IFT57: variants seen among roughly 807,000 people sequenced by gnomAD.
The protein encoded by IFT57 is intraflagellar transport 57.
A neutral mutation model predicts 56.8 loss-of-function variants in IFT57; 59 were observed. That is an observed-to-expected ratio of 1.04 (90% CI 0.84 to 1.29). The LOEUF (loss-of-function observed/expected upper bound fraction) is 1.29. Among genes scored for constraint, IFT57 ranks in the 50% most tolerant of loss-of-function variants. IFT57 has a pLI of 0.00. For missense variants in IFT57, 470 were observed against 522.1 expected, an observed-to-expected ratio of 0.90 and a Z score of 0.97; for synonymous variants, 209 against 186.1, an observed-to-expected ratio of 1.12 and a Z score of -1.00.
intron 5 of IFT57, among the ~76,000 whole-genome samples, chr3:108,203,164 G>A (rs898741161): frequency 2.6e-5 from 4 of 152,198 alleles, no homozygotes; most frequent in African/African-American, 7.2e-5. Context: ...TGGCCTCCAG[G>A]GGGTGAGCTA....
At chr3:108,170,256 T>G (rs1269769177) in intron 6 of IFT57, among the ~76,000 whole-genome samples, 1 of 151,978 alleles carries the variant, frequency 6.6e-6, no homozygotes, top group East Asian at 1.9e-4. Flanking sequence ...AACCCCTATG[T>G]CTCGGCCCCA....
At position 108,222,402 on chromosome 3, in the gene IFT57, A is replaced by T; in HGVS notation, c.-80T>A. On this transcript the variant is annotated 5_prime_UTR_variant, in exon 1 of 11. Transcript: ENST00000264538. ...AGCCGCCAGCCCTGCCGCCGCCAGTACAGCCACGACCGGTTACCAGGCGAC... is the reference window on the plus strand; with the variant it reads ...AGCCGCCAGCCCTGCCGCCGCCAGTTCAGCCACGACCGGTTACCAGGCGAC... 7.7e-7 allele frequency: 1 copy of T among 1,305,114 alleles called. No individual in the cohort carries two copies. The highest frequency in any genetic ancestry group is 1.0e-6 in the Non-Finnish European group (1 of 966,924). 80.8% of individuals were successfully genotyped at this position (1,305,114 alleles called of 1,614,324 possible). A position where few individuals can be genotyped will look rare whatever the true frequency, so the allele number is the denominator to read the frequency against.
At chr3:108,168,527 T>C (rs1577046787) in intron 6 of IFT57, among the ~76,000 whole-genome samples, 1 of 152,022 alleles carries the variant, frequency 6.6e-6, no homozygotes, top group Non-Finnish European at 1.5e-5. Context: ...GTGCAGAATG[T>C]GCAAGTTTGT....
intron 5 of IFT57, among the ~76,000 whole-genome samples, chr3:108,203,115 A>C (rs1488592782): frequency 6.6e-6 from 1 of 152,240 alleles, no homozygotes; most frequent in African/African-American, 2.4e-5. Flanking sequence ...GCTTCCGCAG[A>C]GAGCCATTTC....
chr3:108,218,724 G>C, intron 2 of IFT57, 71 bp from the exon 3 acceptor site: 1 of 675,460 alleles, frequency 1.5e-6, no homozygotes, highest in Non-Finnish European at 2.4e-6. Context: ...TTTAAGCAAA[G>C]AACTGCTGAA....
chr3:108,182,679 T>C (rs2080157488), intron 6 of IFT57, among the ~76,000 whole-genome samples: 1 of 152,098 alleles, frequency 6.6e-6, no homozygotes, highest in South Asian at 2.1e-4. Flanking sequence ...ACTAAATGAA[T>C]AGGTAAGTAT....
chr3:108,197,587 T>G (rs2080250612), intron 5 of IFT57, among the ~76,000 whole-genome samples: 1 of 152,164 alleles, frequency 6.6e-6, no homozygotes, highest in Admixed American at 6.5e-5. Context: ...TCTGTAAAAA[T>G]ATACATGAGA....
chr3:108,197,840 C>T (rs1172586490), intron 5 of IFT57, among the ~76,000 whole-genome samples: 3 of 152,122 alleles, frequency 2.0e-5, no homozygotes, highest in African/African-American at 7.2e-5. Context: ...GGTCAAGTTA[C>T]ATAACCTCTC....
intron 9 of IFT57, among the ~76,000 whole-genome samples, chr3:108,164,616 T>C (rs1285949010): frequency 6.6e-6 from 1 of 152,100 alleles, no homozygotes; most frequent in African/African-American, 2.4e-5. Flanking sequence ...AGTGTTAATT[T>C]ACCTAACATA....
chr3:108,173,288 T>C (rs935600182), intron 6 of IFT57, among the ~76,000 whole-genome samples: 1 of 151,496 alleles, frequency 6.6e-6, no homozygotes, highest in Non-Finnish European at 1.5e-5. Context: ...GTATACAAAC[T>C]TGAGGATAGT....
rs1027472597 is a variant in IFT57, at chr3:108,161,553, C to A, written c.*924G>T. ...AAAATTATTAAAAAAAAAAAATTAA[C>A]GCAGGCTGTCTCCTGCTTTGTGTTC... On this transcript the variant is annotated 3_prime_UTR_variant, in exon 11 of 11. Coordinates refer to ENST00000264538, the MANE Select transcript of IFT57 (RefSeq NM_018010.4). The A allele has an allele frequency of 1.3e-5, 2 of 151,382 alleles. No homozygotes were observed. Among genetic ancestry groups the A allele is most frequent in the African/African-American group, 2.4e-5 (1 of 41,198 alleles). The allele number at this position is 151,382 out of a possible 1,614,324, so 9.4% of individuals were successfully genotyped here.
intron 5 of IFT57, among the ~76,000 whole-genome samples, chr3:108,198,511 G>A (rs1048533371): frequency 1.1e-4 from 17 of 152,134 alleles, no homozygotes; most frequent in Admixed American, 9.8e-4. Context: ...GCATGATCTC[G>A]GCTCACTGCA....
At chr3:108,184,229 T>G (rs2080166814) in intron 6 of IFT57, among the ~76,000 whole-genome samples, 1 of 152,154 alleles carries the variant, frequency 6.6e-6, no homozygotes, top group Admixed American at 6.5e-5. Context: ...TTTAGACACA[T>G]TATTCCAACT....
chr3:108,203,758 A>C (rs1300055911), intron 5 of IFT57, among the ~76,000 whole-genome samples: 1 of 152,248 alleles, frequency 6.6e-6, no homozygotes, highest in Non-Finnish European at 1.5e-5. Flanking sequence ...AGAAAAAATA[A>C]ATCAGTAATT....
chr3:108,206,066 A>ATT lies in IFT57; in HGVS notation c.654+561_654+562insAA, dbSNP rs1560122647. 5.4e-3 allele frequency among the ~76,000 whole-genome samples: 570 copies of ATT among 105,568 alleles called. 4 individuals carry two copies. Among genetic ancestry groups the ATT allele is most frequent in the African/African-American group, 0.018 (513 of 28,882 alleles). 69.3% of individuals were successfully genotyped at this position (105,568 alleles called of 152,430 possible). On this transcript the variant is annotated intron_variant, in intron 5 of 10. Coordinates refer to ENST00000264538, the MANE Select transcript of IFT57 (RefSeq NM_018010.4). ...TATATATTATATATTATTTATATAT[A>ATT]ATAATATATTATATATAAATAATAT...
At chr3:108,206,760 CA>C in intron 4 of IFT57, 64 bp from the exon 5 acceptor site, 1 of 457,356 alleles carries the variant, frequency 2.2e-6, no homozygotes, top group Non-Finnish European at 3.4e-6. Flanking sequence ...TTCCAGTTTC[CA>C]CCTATATGCT....
chr3:108,207,539 A>C (rs2080320186), intron 4 of IFT57, among the ~76,000 whole-genome samples: 1 of 152,232 alleles, frequency 6.6e-6, no homozygotes, highest in Non-Finnish European at 1.5e-5. Flanking sequence ...TGATTTTATA[A>C]GGAAAAAAGA....
At chr3:108,190,732 C>A (rs1375735574) in intron 6 of IFT57, among the ~76,000 whole-genome samples, 1 of 152,206 alleles carries the variant, frequency 6.6e-6, no homozygotes, top group Non-Finnish European at 1.5e-5. Flanking sequence ...ATACAATGGG[C>A]AAGTTAATCT....
intron 8 of IFT57, 106 bp from the exon 9 acceptor site, chr3:108,165,599 C>T: frequency 4.9e-6 from 4 of 818,124 alleles, no homozygotes; most frequent in South Asian, 4.2e-5. Context: ...TTATGACAAC[C>T]CTGCTCCTTG....
Sources: gnomAD v4.1 joint callset for allele counts (sites outside exome capture counted in the v4.1 genomes callset) on GRCh38, gnomAD v4.1.1 for gene constraint, MANE v1.5 for transcripts, NCBI Gene and HGNC (gene_info 2026-07-23, HGNC 2026-07-21) for gene names.